Variants in PHLPP1 observed in about 807,000 individuals in gnomAD.
PHLPP1 encodes PH domain leucine-rich repeat-containing protein phosphatase 1.
A neutral mutation model predicts 117.2 loss-of-function variants in PHLPP1; 42 were observed. The ratio of observed to expected loss-of-function variants is 0.36; its 90% CI spans 0.28 to 0.46. The LOEUF is 0.46. Ranked by LOEUF, PHLPP1 falls within the 20% of genes least tolerant of loss-of-function variation. PHLPP1 has a pLI of 1.00. For synonymous variants in PHLPP1, 1,042 were observed against 970.7 expected, an observed-to-expected ratio of 1.07 and a Z score of -1.37; for missense variants, 2,084 against 2,241.9, an observed-to-expected ratio of 0.93 and a Z score of 1.42.
At position 62,958,746 on chromosome 18, in the gene PHLPP1, C is replaced by G. The variant is rs760452633; in HGVS notation, c.3442C>G (p.Leu1148Val). 1.2e-6 allele frequency: 2 copies of G among 1,613,980 alleles called. No homozygotes were observed. The highest frequency in any genetic ancestry group is 8.5e-7 in the Non-Finnish European group (1 of 1,179,872). Residue 1148 changes from leucine to valine, a missense_variant, in exon 13 of 17, where the codon CTG (leucine) becomes GTG (valine). This residue lies in a region of PHLPP1 where 1,365 missense variants were observed against 1,605.9 expected (regional missense o/e 0.85). Coordinates refer to ENST00000262719, the MANE Select transcript of PHLPP1 (RefSeq NM_194449.4). ...NPRLVLDHKT[L>V]ELLNNIRCFK... ...GCGCCTTGTCCTTGATCACAAAACC[C>G]TGGAACTACTGAAGTAAGTATTCTG...
intron 12 of PHLPP1, among the ~76,000 whole-genome samples, chr18:62,957,816 A>G (rs1910661417): frequency 6.6e-6 from 1 of 151,770 alleles, no homozygotes; most frequent in Admixed American, 6.6e-5. Context: ...CCCAGAATCA[A>G]GCGATTCTCC....
chr18:62,857,926 A>G (rs1464413418), intron 3 of PHLPP1, among the ~76,000 whole-genome samples: 2 of 152,112 alleles, frequency 1.3e-5, no homozygotes, highest in African/African-American at 4.8e-5. Flanking sequence ...GAGGTTTCAA[A>G]CTCACTTTCT....
At chr18:62,889,155 A>G (rs533052235) in intron 4 of PHLPP1, among the ~76,000 whole-genome samples, 1 of 152,292 alleles carries the variant, frequency 6.6e-6, no homozygotes, top group East Asian at 1.9e-4. Flanking sequence ...GTTCTCAGAA[A>G]CAATCCATGC....
At position 62,978,670 on chromosome 18, in the gene PHLPP1, G is replaced by A. The variant is rs879215266; in HGVS notation, c.4393G>A (p.Gly1465Ser). The A allele has an allele frequency of 6.2e-7, 1 of 1,613,892 alleles. No homozygotes were observed. Among genetic ancestry groups the A allele is most frequent in the African/African-American group, 1.3e-5 (1 of 74,994 alleles). ...CAAGGATCGGCCCTCAGATGGGCTG[G>A]GCGTGCCGTCCTCCAGCAGCGGCAT... ...VIKDRPSDGL[G>S]VPSSSSGMAS... is the part of the protein sequence containing the mutation. Residue 1465 changes from glycine to serine, a missense_variant, in exon 17 of 17, where the codon GGC becomes AGC. Coordinates refer to ENST00000262719, the MANE Select transcript of PHLPP1 (RefSeq NM_194449.4). This position sits in a 1 kb window ranked among gnomAD's most constrained non-coding sequence, Gnocchi z 7.0.
At chr18:62,920,715 A>G (rs1177904980) in intron 10 of PHLPP1, among the ~76,000 whole-genome samples, 3 of 151,958 alleles carry the variant, frequency 2.0e-5, no homozygotes, top group African/African-American at 7.3e-5. Context: ...ATGTGCCACC[A>G]CGCCCAGCTA....
Position 62,979,426 on chromosome 18 carries a change from C to T in PHLPP1, c.5149C>T (p.Leu1717=), listed in dbSNP as rs1911312205. The T allele has an allele frequency of 1.3e-6, 2 of 1,550,812 alleles. No individual in the cohort carries two copies. The highest frequency in any genetic ancestry group is 1.7e-6 in the Non-Finnish European group (2 of 1,146,420). The change falls in exon 17 of 17, where the codon CTA becomes TTA. Residue 1717 remains leucine (L), a synonymous_variant. Coordinates refer to ENST00000262719, the MANE Select transcript of PHLPP1 (RefSeq NM_194449.4). ...GCTGCCAGATTATTACGACACGCCA[C>T]TATGACCCAGCCGAGCTGTTTAACA... ...DQLPDYYDTP[L] is the part of the protein sequence containing the mutation.
intron 4 of PHLPP1, among the ~76,000 whole-genome samples, chr18:62,866,013 A>G (rs1158891925): frequency 2.6e-5 from 4 of 152,150 alleles, no homozygotes; most frequent in Admixed American, 2.6e-4. Context: ...AAACCTGCTC[A>G]TGTAGCTTTG....
At chr18:62,749,480 G>T (rs202235329) in intron 1 of PHLPP1, among the ~76,000 whole-genome samples, 1 of 151,912 alleles carries the variant, frequency 6.6e-6, no homozygotes, top group South Asian at 2.1e-4. Flanking sequence ...TGCCTTTCCC[G>T]TTGTATTATT....
At chr18:62,768,678 A>G (rs1301417325) in intron 1 of PHLPP1, among the ~76,000 whole-genome samples, 3 of 152,246 alleles carry the variant, frequency 2.0e-5, no homozygotes, top group Non-Finnish European at 4.4e-5. Flanking sequence ...TATTAGAAAC[A>G]TGCAAGTGGA....
chr18:62,858,666 T>C (rs1425502706), intron 3 of PHLPP1, among the ~76,000 whole-genome samples: 2 of 152,184 alleles, frequency 1.3e-5, no homozygotes, highest in Admixed American at 6.5e-5. Context: ...GTATGGTGGC[T>C]CATGCCTGTA....
intron 4 of PHLPP1, among the ~76,000 whole-genome samples, chr18:62,890,217 G>A (rs1427888080): frequency 6.6e-6 from 1 of 151,966 alleles, no homozygotes; most frequent in African/African-American, 2.4e-5. Flanking sequence ...GGAGATACTT[G>A]TTAAGAGGTT....
intron 1 of PHLPP1, among the ~76,000 whole-genome samples, chr18:62,821,577 G>GAA (rs1223901600): frequency 7.9e-6 from 1 of 125,992 alleles, no homozygotes; most frequent in Non-Finnish European, 1.7e-5. Flanking sequence ...AAAAAGAAAA[G>GAA]AAAAAAGAAA....
intron 12 of PHLPP1, among the ~76,000 whole-genome samples, chr18:62,956,337 G>C (rs475754): frequency 0.49 from 73,983 of 152,010 alleles, 19,845 homozygotes; most frequent in African/African-American, 0.71. Flanking sequence ...TGAACAAGCT[G>C]ACTGGGCCTG....
At chr18:62,750,875 G>A (rs548361009) in intron 1 of PHLPP1, among the ~76,000 whole-genome samples, 1 of 152,276 alleles carries the variant, frequency 6.6e-6, no homozygotes, top group South Asian at 2.1e-4. Flanking sequence ...CAATTAAAGA[G>A]AAAATGAAAG....
chr18:62,716,697 C>A lies in PHLPP1; in HGVS notation c.1014C>A (p.Arg338=). 1 of 1,475,300 alleles carries A rather than the reference C, an allele frequency of 6.8e-7. No individual in the cohort carries two copies. The highest frequency in any genetic ancestry group is 9.0e-7 in the Non-Finnish European group (1 of 1,115,350). The allele number at this position is 1,475,300 out of a possible 1,614,324, so 91.4% of individuals were successfully genotyped here. A position where few individuals can be genotyped will look rare whatever the true frequency, so the allele number is the denominator to read the frequency against. The change falls in exon 1 of 17, where the codon CGC becomes CGA. Residue 338 remains arginine, a synonymous_variant. Coordinates refer to ENST00000262719, the MANE Select transcript of PHLPP1 (RefSeq NM_194449.4). This position sits in a 1 kb window ranked among gnomAD's most constrained non-coding sequence, Gnocchi z 5.7. ...TTGGGGGCCCTGTCTCTTCGCCCCG[C>A]GCCCCACGGCCTGTGGTCTCCGACA... ...PFVGGPVSSP[R]APRPVVSDTE...
At chr18:62,830,275 C>T in intron 2 of PHLPP1, 44 bp downstream of exon 2, 1 of 1,492,244 alleles carries the variant, frequency 6.7e-7, no homozygotes, top group Non-Finnish European at 9.1e-7. Flanking sequence ...GAGTCTCACT[C>T]TGTCACCCAG....
chr18:62,893,772 C>T (rs752783186), intron 4 of PHLPP1, among the ~76,000 whole-genome samples: 1 of 150,058 alleles, frequency 6.7e-6, no homozygotes, highest in Non-Finnish European at 1.5e-5. Flanking sequence ...GTTGATAGGC[C>T]AAATGTAAGA....
intron 13 of PHLPP1, among the ~76,000 whole-genome samples, chr18:62,960,927 T>C (rs973037067): frequency 6.6e-6 from 1 of 152,248 alleles, no homozygotes; most frequent in African/African-American, 2.4e-5. Flanking sequence ...GTTTGTTTTA[T>C]GTGAGCCGAT....
chr18:62,838,618 T>G (rs1914972305), intron 2 of PHLPP1, 166 bp from the exon 3 acceptor site: 1 of 564,846 alleles, frequency 1.8e-6, no homozygotes, highest in South Asian at 3.2e-5. Context: ...TCTTTGTAAT[T>G]CAAATTGGGT....
Sources: gnomAD v4.1 joint callset for allele counts (sites outside exome capture counted in the v4.1 genomes callset) on GRCh38, gnomAD v4.1.1 for gene constraint, gnomAD v4.1.1 regional missense constraint, Gnocchi (gnomAD v3.1) non-coding constraint, MANE v1.5 for transcripts, NCBI Gene and HGNC (gene_info 2026-07-23, HGNC 2026-07-21) for gene names.